UHRF1: variants seen among roughly 807,000 people sequenced by gnomAD.
The protein encoded by UHRF1 is E3 ubiquitin-protein ligase UHRF1.
UHRF1 carries 9 observed loss-of-function variants against 96.5 expected under a neutral mutation model. The ratio of observed to expected loss-of-function variants is 0.09; its 90% confidence interval spans 0.06 to 0.16. UHRF1 has a LOEUF of 0.16. UHRF1 is among the 10% of genes least tolerant of loss of function. UHRF1 has a pLI of 1.00. For missense variants in UHRF1, 626 were observed against 1,131.1 expected (o/e 0.55, Z 6.40); for synonymous variants, 455 against 469.9 (o/e 0.97, Z 0.41).
intron 2 of UHRF1, among the ~76,000 whole-genome samples, chr19:4,917,113 T>TGG (rs1568408750): frequency 3.8e-4 from 1 of 2,614 alleles, no homozygotes; most frequent in Non-Finnish European, 1.9e-3. Flanking sequence ...AAGTTTTCGT[T>TGG]TTTTTTTTTT....
intron 11 of UHRF1, among the ~76,000 whole-genome samples, chr19:4,949,286 G>C (rs1435386965): frequency 6.6e-6 from 1 of 152,010 alleles, no homozygotes; most frequent in Non-Finnish European, 1.5e-5. Context: ...TTCCACTGTT[G>C]GTAGAAATAC....
At chr19:4,922,806 A>T (rs953383812) in intron 2 of UHRF1, among the ~76,000 whole-genome samples, 2 of 151,660 alleles carry the variant, frequency 1.3e-5, no homozygotes, top group African/African-American at 4.8e-5. Context: ...CCCCATCCCC[A>T]CTTCCCGCCC....
chr19:4,937,730 C>T (rs1021835344), intron 5 of UHRF1, among the ~76,000 whole-genome samples: 1 of 152,122 alleles, frequency 6.6e-6, no homozygotes, highest in African/African-American at 2.4e-5. Context: ...TTTGTATGGT[C>T]TTTGTTGGTT....
intron 2 of UHRF1, among the ~76,000 whole-genome samples, chr19:4,923,525 C>T (rs1238264430): frequency 2.6e-5 from 4 of 152,328 alleles, no homozygotes; most frequent in South Asian, 4.1e-4. Context: ...GCCATGAGCG[C>T]GGCCTGTGTG....
At chr19:4,957,590 A>G (rs17886322) in intron 16 of UHRF1, among the ~76,000 whole-genome samples, 31,913 of 151,994 alleles carry the variant, frequency 0.21, 4,766 homozygotes, top group East Asian at 0.73. Flanking sequence ...TTACAGGTGT[A>G]AGCCACCGCG....
chr19:4,956,602 C>T (rs1416039318), intron 15 of UHRF1, 107 bp from the exon 16 acceptor site: 2 of 731,932 alleles, frequency 2.7e-6, no homozygotes, highest in East Asian at 2.7e-5. Flanking sequence ...GGAGTGAAGG[C>T]TGGGGACAGA....
intron 9 of UHRF1, among the ~76,000 whole-genome samples, chr19:4,945,409 C>A (rs942489307): frequency 3.3e-5 from 5 of 152,114 alleles, no homozygotes; most frequent in Non-Finnish European, 2.9e-5. Flanking sequence ...CAGGGACATG[C>A]CACCACGCCC....
intron 2 of UHRF1, among the ~76,000 whole-genome samples, chr19:4,926,562 C>A (rs975738245): frequency 2.0e-5 from 3 of 152,012 alleles, no homozygotes; most frequent in Non-Finnish European, 4.4e-5. Flanking sequence ...TGCTTGAGCC[C>A]CGGAGTTCAA....
chr19:4,929,561 GC>G, intron 3 of UHRF1, 85 bp downstream of exon 3: 2 of 1,522,850 alleles, frequency 1.3e-6, no homozygotes, highest in Non-Finnish European at 1.8e-6. Context: ...CACAGGAGGG[GC>G]TTCCCACGCG....
rs774350179 is a variant in UHRF1, at chr19:4,909,580, C to A, written c.-86C>A. The A allele has an allele frequency of 1.4e-5, 9 of 654,220 alleles. No individual in the cohort carries two copies. The highest frequency in any genetic ancestry group is 2.2e-5 in the Non-Finnish European group (8 of 364,298). The allele number at this position is 654,220 out of a possible 1,614,324, so 40.5% of individuals were successfully genotyped here. On this transcript the variant is annotated 5_prime_UTR_variant, in exon 1 of 17. Transcript: ENST00000650932. ...ACGCAAGTCCGCGCGGGGTCCGGGCCACGCACGCGGTTTCATCGCCATCCC... is the reference window on the plus strand; with the variant it reads ...ACGCAAGTCCGCGCGGGGTCCGGGCAACGCACGCGGTTTCATCGCCATCCC...
At chr19:4,950,501 C>G in intron 11 of UHRF1, 110 bp from the exon 12 acceptor site, 1 of 1,238,738 alleles carries the variant, frequency 8.1e-7, no homozygotes. Flanking sequence ...ACTTCAGCCT[C>G]CCAAAGTGCT....
chr19:4,927,939 C>CCCCA (rs1453020427), intron 2 of UHRF1, among the ~76,000 whole-genome samples: 1 of 152,214 alleles, frequency 6.6e-6, no homozygotes, highest in African/African-American at 2.4e-5. Context: ...CCAGGGGGAC[C>CCCCA]CCCAGCTCCT....
chr19:4,909,539 G>T lies in UHRF1; in HGVS notation c.-127G>T, dbSNP rs1302924276. 6.1e-6 allele frequency: 4 copies of T among 659,710 alleles called. No individual in the cohort carries two copies. The highest frequency in any genetic ancestry group is 1.1e-5 in the Non-Finnish European group (4 of 366,188). The allele number at this position is 659,710 out of a possible 1,614,324, so 40.9% of individuals were successfully genotyped here. A position where few individuals can be genotyped will look rare whatever the true frequency, so the allele number is the denominator to read the frequency against. ...GCGCGGCGGGCAGCGTTTGCCGAGC[G>T]GGCGCTCCGGGTCGCACGCAAGTCC... is the stretch of plus-strand genomic sequence containing the variant. On this transcript the variant is annotated 5_prime_UTR_variant, in exon 1 of 17. Transcript: ENST00000650932.
chr19:4,939,337 T>C (rs985248931), intron 5 of UHRF1, among the ~76,000 whole-genome samples: 3 of 151,336 alleles, frequency 2.0e-5, no homozygotes, highest in Admixed American at 6.6e-5. Flanking sequence ...GCTGGGATTA[T>C]AGGTATGAGC....
intron 13 of UHRF1, among the ~76,000 whole-genome samples, chr19:4,951,969 C>T (rs897299118): frequency 2.6e-5 from 4 of 152,150 alleles, no homozygotes; most frequent in East Asian, 1.9e-4. Flanking sequence ...GTCCTCTACC[C>T]GAGGGGGTCA....
chr19:4,932,001 G>A (rs967163604), intron 4 of UHRF1, among the ~76,000 whole-genome samples: 1 of 151,920 alleles, frequency 6.6e-6, no homozygotes, highest in Non-Finnish European at 1.5e-5. Flanking sequence ...GCGCGATCTC[G>A]GCTCACCGCA....
At chr19:4,949,275 A>G (rs892955248) in intron 11 of UHRF1, among the ~76,000 whole-genome samples, 1 of 152,208 alleles carries the variant, frequency 6.6e-6, no homozygotes, top group Non-Finnish European at 1.5e-5. Flanking sequence ...GTAAAATAGC[A>G]TTCCACTGTT....
chr19:4,916,983 C>G (rs1023281854), intron 2 of UHRF1, among the ~76,000 whole-genome samples: 2 of 151,486 alleles, frequency 1.3e-5, no homozygotes, highest in Non-Finnish European at 2.9e-5. Context: ...GTGGCATTAT[C>G]TGCCCTGCTG....
At chr19:4,918,010 AAGG>A (rs1394931641) in intron 2 of UHRF1, among the ~76,000 whole-genome samples, 1 of 152,100 alleles carries the variant, frequency 6.6e-6, no homozygotes, top group East Asian at 1.9e-4. Context: ...TCCAAAAAGC[AAGG>A]AGAATATCTT....
Sources: gnomAD v4.1 joint callset for allele counts (sites outside exome capture counted in the v4.1 genomes callset) on GRCh38, gnomAD v4.1.1 for gene constraint, MANE v1.5 for transcripts, NCBI Gene and HGNC (gene_info 2026-07-23, HGNC 2026-07-21) for gene names.